CAPSL: variants seen among roughly 807,000 people sequenced by gnomAD.
CAPSL encodes calcyphosin-like protein.
CAPSL carries 17 observed loss-of-function variants against 21.3 expected under a neutral mutation model. The ratio of observed to expected loss-of-function variants is 0.80; its 90% CI spans 0.55 to 1.20. CAPSL has a LOEUF of 1.20. Among genes scored for constraint, CAPSL ranks in the 50% most tolerant of loss-of-function variants. The pLI is 0.00. For synonymous variants in CAPSL, 102 were observed against 89.3 expected, an observed-to-expected ratio of 1.14 and a Z score of -0.80; for missense variants, 289 against 259.3, an observed-to-expected ratio of 1.11 and a Z score of -0.79.
At chr5:35,919,160 T>TAAAA (rs34779853) in intron 2 of CAPSL, among the ~76,000 whole-genome samples, 20,188 of 128,814 alleles carry the variant, frequency 0.16, 1,964 homozygotes, top group Non-Finnish European at 0.21. Context: ...CTTTCCTGAT[T>TAAAA]AAAAAAAAAA....
intron 2 of CAPSL, among the ~76,000 whole-genome samples, chr5:35,915,024 G>T (rs1738335028): frequency 6.6e-6 from 1 of 151,808 alleles, no homozygotes; most frequent in South Asian, 2.1e-4. Flanking sequence ...ATGATAAAGG[G>T]GATATCACCA....
intron 1 of CAPSL, among the ~76,000 whole-genome samples, chr5:35,923,246 G>A (rs1738584459): frequency 6.6e-6 from 1 of 150,614 alleles, no homozygotes; most frequent in Non-Finnish European, 1.5e-5. Context: ...GAGAAACAGA[G>A]ACTAAAAACC....
chr5:35,914,142 T>C (rs1358357442), intron 2 of CAPSL, among the ~76,000 whole-genome samples: 1 of 152,172 alleles, frequency 6.6e-6, no homozygotes, highest in Non-Finnish European at 1.5e-5. Flanking sequence ...AGGGATCAAT[T>C]CAACAAGAAG....
chr5:35,905,825 A>C (rs1008756), intron 4 of CAPSL, among the ~76,000 whole-genome samples: 65,715 of 152,098 alleles, frequency 0.43, 14,886 homozygotes, highest in African/African-American at 0.54. Flanking sequence ...GCATCAGGAC[A>C]ACCTGGGGTG....
At chr5:35,913,359 G>A (rs1252680445) in intron 2 of CAPSL, among the ~76,000 whole-genome samples, 1 of 152,130 alleles carries the variant, frequency 6.6e-6, no homozygotes, top group Admixed American at 6.5e-5. Flanking sequence ...TACAGAGAAT[G>A]CCACAAAGAT....
intron 4 of CAPSL, 66 bp downstream of exon 4, chr5:35,909,800 G>T: frequency 7.9e-7 from 1 of 1,265,556 alleles, no homozygotes; most frequent in Non-Finnish European, 1.1e-6. Context: ...TTAAGAGTTT[G>T]GACCTATTTC....
At chr5:35,936,249 T>C (rs765545441) in intron 1 of CAPSL, among the ~76,000 whole-genome samples, 2 of 152,018 alleles carry the variant, frequency 1.3e-5, no homozygotes, top group African/African-American at 2.4e-5. Context: ...ATTGCTGAAC[T>C]TCCTCCCATC....
intron 1 of CAPSL, among the ~76,000 whole-genome samples, chr5:35,935,720 AC>A (rs1479434066): frequency 6.6e-6 from 1 of 151,658 alleles, no homozygotes. Flanking sequence ...GTACCTCCAG[AC>A]TTTTGGCCCT....
At chr5:35,928,909 C>A (rs1407742626) in intron 1 of CAPSL, among the ~76,000 whole-genome samples, 1 of 152,176 alleles carries the variant, frequency 6.6e-6, no homozygotes, top group East Asian at 1.9e-4. Context: ...AAATTAGACT[C>A]TCTTGGTGTA....
chr5:35,914,957 C>A (rs1423970847), intron 2 of CAPSL, among the ~76,000 whole-genome samples: 1 of 152,048 alleles, frequency 6.6e-6, no homozygotes, highest in African/African-American at 2.4e-5. Flanking sequence ...ATTGATAGAA[C>A]TCTAGCAAGA....
At position 35,904,608 on chromosome 5, in the gene CAPSL, C is replaced by T; in HGVS notation, c.564G>A (p.Val188=). 2 of 1,613,782 alleles carry T rather than the reference C, an allele frequency of 1.2e-6. No homozygotes were observed. Among genetic ancestry groups the T allele is most frequent in the South Asian group, 1.1e-5 (1 of 91,000 alleles). ...ACACATCAGTGTCAATGGATGCGCT[C>T]ACACCTGCATAGTAGTTCATGAACT... ...PEEFMNYYAG[V]SASIDTDVYF... The change falls in exon 5 of 5, where the codon GTG becomes GTA. Residue 188 remains valine, a synonymous_variant. Coordinates refer to ENST00000651391, the MANE Select transcript of CAPSL (RefSeq NM_001042625.2).
intron 3 of CAPSL, 95 bp from the exon 4 acceptor site, chr5:35,910,170 G>T: frequency 8.5e-7 from 1 of 1,182,408 alleles, no homozygotes; most frequent in Non-Finnish European, 1.2e-6. Flanking sequence ...CCTCAACGAT[G>T]TGAAATAATA....
At chr5:35,933,224 T>A (rs1406783039) in intron 1 of CAPSL, among the ~76,000 whole-genome samples, 1 of 152,220 alleles carries the variant, frequency 6.6e-6, no homozygotes, top group Non-Finnish European at 1.5e-5. Flanking sequence ...CCATGTTCTC[T>A]GCTAAAAGGG....
intron 1 of CAPSL, among the ~76,000 whole-genome samples, chr5:35,928,320 C>T (rs1424525042): frequency 6.6e-6 from 1 of 152,148 alleles, no homozygotes; most frequent in African/African-American, 2.4e-5. Flanking sequence ...ACATTCAAAC[C>T]ATAGCACTAG....
At chr5:35,927,098 G>A (rs1437722174) in intron 1 of CAPSL, among the ~76,000 whole-genome samples, 1 of 152,202 alleles carries the variant, frequency 6.6e-6, no homozygotes, top group African/African-American at 2.4e-5. Context: ...CCCGCTGGCA[G>A]GGATGTGCAG....
intron 4 of CAPSL, among the ~76,000 whole-genome samples, chr5:35,907,689 T>A (rs1232290733): frequency 6.6e-6 from 1 of 152,172 alleles, no homozygotes; most frequent in African/African-American, 2.4e-5. Flanking sequence ...GATTATCAAG[T>A]TTGAACATTA....
intron 1 of CAPSL, among the ~76,000 whole-genome samples, chr5:35,922,756 T>A (rs1051410925): frequency 4.6e-5 from 7 of 152,154 alleles, no homozygotes; most frequent in Non-Finnish European, 7.3e-5. Context: ...ATAACTGGCG[T>A]TTGCTTATTA....
intron 1 of CAPSL, among the ~76,000 whole-genome samples, chr5:35,932,958 C>T (rs1213926978): frequency 2.0e-5 from 3 of 152,160 alleles, no homozygotes; most frequent in Non-Finnish European, 4.4e-5. Context: ...CCAAATGGAC[C>T]AAATTTGGCC....
intron 1 of CAPSL, among the ~76,000 whole-genome samples, chr5:35,924,876 G>A (rs1738632212): frequency 6.6e-6 from 1 of 152,176 alleles, no homozygotes; most frequent in African/African-American, 2.4e-5. Context: ...TAAGGGAGAT[G>A]CTCAGCTTTG....
Sources: gnomAD v4.1 joint callset for allele counts (sites outside exome capture counted in the v4.1 genomes callset) on GRCh38, gnomAD v4.1.1 for gene constraint, MANE v1.5 for transcripts, NCBI Gene and HGNC (gene_info 2026-07-23, HGNC 2026-07-21) for gene names.